RIPOR2: variants seen among roughly 807,000 people sequenced by gnomAD.
RIPOR2 encodes RHO family interacting cell polarization regulator 2.
Under a neutral mutation model 114.5 loss-of-function variants are expected in RIPOR2, and 39 were observed. That is an observed-to-expected ratio of 0.34 (90% CI 0.26 to 0.44). RIPOR2 has a LOEUF of 0.44. Ranked by LOEUF, RIPOR2 falls within the 20% of genes least tolerant of loss-of-function variation. The probability of loss-of-function intolerance (pLI) is 1.00; values close to 1 mark genes in which losing one functional copy is unlikely to be tolerated. For missense variants in RIPOR2, 1,007 were observed against 1,255.1 expected (o/e 0.80, Z 2.99); for synonymous variants, 445 against 484.4 (o/e 0.92, Z 1.07).
chr6:24,966,407 T>A (rs1773530600), intron 1 of RIPOR2, among the ~76,000 whole-genome samples: 1 of 152,210 alleles, frequency 6.6e-6, no homozygotes, highest in Non-Finnish European at 1.5e-5. Context: ...ATATTAAGTT[T>A]ACAAAATTAC....
At chr6:24,965,709 C>T (rs538829014) in intron 1 of RIPOR2, among the ~76,000 whole-genome samples, 4 of 152,040 alleles carry the variant, frequency 2.6e-5, no homozygotes, top group Non-Finnish European at 4.4e-5. Flanking sequence ...AACATTTTAT[C>T]GGAAATAAAA....
Position 24,883,372 on chromosome 6 carries a change from G to C in RIPOR2, c.62-7555C>G, listed in dbSNP as rs1766524421. On this transcript the variant is annotated intron_variant, in intron 1 of 21. Coordinates refer to ENST00000643898, the MANE Select transcript of RIPOR2 (RefSeq NM_001286445.3). This position sits in a 1 kb window ranked among gnomAD's most constrained non-coding sequence, Gnocchi z 4.1. ...CCAACCCCTCTGAGACAAGACAATT[G>C]ACCCATAGATCAGTTGGCTGTAGCT... 6.6e-6 allele frequency among the ~76,000 whole-genome samples: 1 copy of C among 152,148 alleles called. No individual in the cohort carries two copies. The highest frequency in any genetic ancestry group is 1.5e-5 in the Non-Finnish European group (1 of 68,026).
intron 1 of RIPOR2, among the ~76,000 whole-genome samples, chr6:25,013,609 G>A (rs1206287745): frequency 1.3e-5 from 2 of 152,144 alleles, no homozygotes; most frequent in African/African-American, 4.8e-5. Flanking sequence ...TGTTTTAAAT[G>A]CTGACAACCA....
At chr6:24,920,085 A>C (rs926780553) in intron 1 of RIPOR2, among the ~76,000 whole-genome samples, 9 of 152,232 alleles carry the variant, frequency 5.9e-5, no homozygotes, top group Non-Finnish European at 1.0e-4. Flanking sequence ...TTAAAATAAA[A>C]GCAAATGTGG....
chr6:24,867,393 A>AAT (rs1764712504), intron 6 of RIPOR2, among the ~76,000 whole-genome samples: 1 of 152,226 alleles, frequency 6.6e-6, no homozygotes, highest in Non-Finnish European at 1.5e-5. Context: ...CTGGGCCAGG[A>AAT]ATCTGAAATT....
At chr6:25,009,090 G>A (rs192662849) in intron 1 of RIPOR2, among the ~76,000 whole-genome samples, 1 of 152,324 alleles carries the variant, frequency 6.6e-6, no homozygotes, top group East Asian at 1.9e-4. Context: ...GCAGGGTCTT[G>A]CTGGTGGCAT....
intron 1 of RIPOR2, among the ~76,000 whole-genome samples, chr6:25,018,167 C>T (rs1776108822): frequency 6.6e-6 from 1 of 152,196 alleles, no homozygotes; most frequent in Non-Finnish European, 1.5e-5. Flanking sequence ...TAGAGCGGCG[C>T]CACCTGATGG....
intron 1 of RIPOR2, among the ~76,000 whole-genome samples, chr6:24,984,874 AC>A (rs1283468849): frequency 2.0e-5 from 3 of 152,066 alleles, no homozygotes; most frequent in African/African-American, 7.2e-5. Flanking sequence ...GTACCCTGGA[AC>A]CCAACAAGGC....
chr6:24,895,438 TAAA>T (rs1338667555), intron 1 of RIPOR2, among the ~76,000 whole-genome samples: 1 of 117,770 alleles, frequency 8.5e-6, no homozygotes. Context: ...ATACGTACTT[TAAA>T]AAAAAAAAAA....
chr6:24,923,671 C>T (rs1227231772), intron 1 of RIPOR2, among the ~76,000 whole-genome samples: 1 of 151,960 alleles, frequency 6.6e-6, no homozygotes, highest in South Asian at 2.1e-4. Flanking sequence ...ATGGTGAAAT[C>T]CCCTCTCTAC....
At chr6:24,828,027 T>G (rs1485120530) in intron 18 of RIPOR2, 110 bp downstream of exon 18, 1 of 984,148 alleles carries the variant, frequency 1.0e-6, no homozygotes, top group Non-Finnish European at 1.4e-6. Context: ...GCACCTCTAC[T>G]GTGGACTTGA....
At chr6:24,910,790 A>T (rs1259710200) in intron 1 of RIPOR2, 18 of 985,146 alleles carry the variant, frequency 1.8e-5, no homozygotes, top group Non-Finnish European at 2.2e-5. Flanking sequence ...TCAGAAGCAA[A>T]AAAGGAGAAA....
intron 1 of RIPOR2, among the ~76,000 whole-genome samples, chr6:24,882,219 T>C (rs1228560432): frequency 6.6e-6 from 1 of 152,250 alleles, no homozygotes; most frequent in Non-Finnish European, 1.5e-5. Context: ...GCATTCTGGC[T>C]CATGTTTTCA....
At chr6:24,875,585 C>A in intron 2 of RIPOR2, 106 bp downstream of exon 2, 1 of 998,064 alleles carries the variant, frequency 1.0e-6, no homozygotes, top group South Asian at 1.6e-5. Flanking sequence ...GGGGAGGAGG[C>A]CGGGGGGCGG....
intron 1 of RIPOR2, among the ~76,000 whole-genome samples, chr6:24,981,811 CT>C (rs1774309607): frequency 6.6e-6 from 1 of 152,202 alleles, no homozygotes; most frequent in Admixed American, 6.5e-5. Flanking sequence ...ACCTCACAGC[CT>C]TGCTGAAGGG....
chr6:24,998,525 AATG>A lies in RIPOR2; in HGVS notation c.76+43323_76+43325del, dbSNP rs150158963. Among the ~76,000 whole-genome samples the A allele has an allele frequency of 7.9e-3, 1,206 of 152,312 alleles. 14 individuals carry two copies. The highest frequency in any genetic ancestry group is 0.026 in the African/African-American group (1,096 of 41,548). ...AATCTACCCTCAAATCTGCAACTAG[AATG>A]ATATTTCTAACCCAGAAAATCTGAT... On this transcript the variant is annotated intron_variant, in intron 1 of 13. Coordinates refer to the RIPOR2 transcript ENST00000510784.
intron 1 of RIPOR2, chr6:24,976,709 G>C (rs961305798): frequency 6.2e-7 from 1 of 1,608,894 alleles, no homozygotes; most frequent in Admixed American, 1.7e-5. Flanking sequence ...GGCACTGGTG[G>C]CAAGTCACCA....
intron 1 of RIPOR2, among the ~76,000 whole-genome samples, chr6:24,964,171 G>C (rs1210770846): frequency 2.0e-5 from 3 of 151,846 alleles, no homozygotes; most frequent in African/African-American, 7.3e-5. Flanking sequence ...GTGTGTGTGT[G>C]TGTGTGTGTT....
intron 1 of RIPOR2, among the ~76,000 whole-genome samples, chr6:25,007,670 C>G (rs1216766871): frequency 1.3e-5 from 2 of 151,914 alleles, no homozygotes; most frequent in East Asian, 3.9e-4. Context: ...CTTGGCCCTT[C>G]CTTCCTGCCC....
Sources: allele counts gnomAD v4.1 joint callset (sites outside exome capture counted in the v4.1 genomes callset), GRCh38; gene constraint gnomAD v4.1.1; non-coding constraint Gnocchi (gnomAD v3.1); transcripts MANE v1.5; gene names NCBI Gene and HGNC (gene_info 2026-07-23, HGNC 2026-07-21).